DNMT3A: variants seen among roughly 807,000 people sequenced by gnomAD.
The protein encoded by DNMT3A is DNA (cytosine-5)-methyltransferase 3A.
In DNMT3A, 267 loss-of-function variants were observed where a neutral mutation model predicts 117.6. That is an observed-to-expected ratio of 2.27 (90% CI 2.05 to 2.51). The LOEUF is 2.51. Ranked by LOEUF, DNMT3A falls within the 30% of genes most tolerant of loss-of-function variation. DNMT3A has a pLI of 0.00. For synonymous variants in DNMT3A, 432 were observed against 474.8 expected (o/e 0.91, Z 1.17); for missense variants, 1,029 against 1,260.2 (o/e 0.82, Z 2.78).
At chr2:25,264,157 T>TTTTTTTTTTTTTTTTA (rs2029993964) in intron 6 of DNMT3A, among the ~76,000 whole-genome samples, 1 of 145,014 alleles carries the variant, frequency 6.9e-6, no homozygotes, top group African/African-American at 2.6e-5. Context: ...TTTTTTTTTT[T>TTTTTTTTTTTTTTTTA]GAGACAAGGT....
chr2:25,236,183 A>G lies in DNMT3A; in HGVS notation c.2479-358T>C, dbSNP rs1673346489. Among the ~76,000 whole-genome samples, 1 of 151,958 alleles carries G rather than the reference A, an allele frequency of 6.6e-6. No individual in the cohort carries two copies. The highest frequency in any genetic ancestry group is 1.5e-5 in the Non-Finnish European group (1 of 68,020). ...CGGGTTCAAGCGATTCTAATGCCTC[A>G]GACTCCTGAGTAGCTGGGACTACAG... On this transcript the variant is annotated intron_variant, in intron 21 of 22. Transcript: ENST00000321117. The surrounding 1 kb of genome is among the most constrained non-coding windows in gnomAD (Gnocchi z 4.5).
intron 10 of DNMT3A, 152 bp downstream of exon 10, chr2:25,246,468 A>G (rs1396166099): frequency 7.0e-7 from 1 of 1,422,300 alleles, no homozygotes; most frequent in Admixed American, 2.5e-5. Context: ...AGGTCATTCA[A>G]GTCCTGACCC....
At position 25,252,162 on chromosome 2, in the gene DNMT3A, C is replaced by T. The variant is rs764191078; in HGVS notation, c.640-3910G>A. On this transcript the variant is annotated intron_variant, in intron 6 of 22. Transcript: ENST00000321117. This position sits in a 1 kb window ranked among gnomAD's most constrained non-coding sequence, Gnocchi z 5.5. ...ACCGGCCCTGCCGCCTCCCCGCCCCCGGTCTCCCCGGGGCTCCGTCCAGGA... is the reference window on the plus strand; with the variant it reads ...ACCGGCCCTGCCGCCTCCCCGCCCCTGGTCTCCCCGGGGCTCCGTCCAGGA... 1.9e-6 allele frequency: 3 copies of T among 1,555,932 alleles called. No individual in the cohort carries two copies. Among genetic ancestry groups the T allele is most frequent in the South Asian group, 1.2e-5 (1 of 83,946 alleles).
chr2:25,334,781 A>T (rs1450592494), intron 1 of DNMT3A, among the ~76,000 whole-genome samples: 1 of 152,186 alleles, frequency 6.6e-6, no homozygotes. Context: ...TTTCCGGAAA[A>T]GACACGTACC....
chr2:25,234,542 CACTCACACCCACCA>C lies in DNMT3A; in HGVS notation c.2598-136_2598-123del. 8.9e-7 allele frequency: 1 copy of C among 1,120,182 alleles called. No individual in the cohort carries two copies. The highest frequency in any genetic ancestry group is 1.2e-6 in the Non-Finnish European group (1 of 808,430). 69.4% of individuals were successfully genotyped at this position (1,120,182 alleles called of 1,614,324 possible). On this transcript the variant is annotated intron_variant, in intron 22 of 22. Transcript: ENST00000321117. The surrounding 1 kb of genome is among the most constrained non-coding windows in gnomAD (Gnocchi z 4.5). Reference sequence around the variant, plus strand: ...GCCACCCGAAGTGCAGGGACAGGGGCACTCACACCCACCAACTCCTCTGACGCCTGCTTAGTTCT... The same window carrying C: ...GCCACCCGAAGTGCAGGGACAGGGGCACTCCTCTGACGCCTGCTTAGTTCT...
rs1056009574 is a variant in DNMT3A, at chr2:25,254,839, T to A, written c.640-6587A>T. Among the ~76,000 whole-genome samples, 4 of 152,218 alleles carry A rather than the reference T, an allele frequency of 2.6e-5. No homozygotes were observed. Among genetic ancestry groups the A allele is most frequent in the African/African-American group, 9.7e-5 (4 of 41,448 alleles). ...ACACCTTAGACTCCACATTCTGTGG[T>A]CTTGGGACATAAGACTGCAATGATG... is the stretch of plus-strand genomic sequence containing the variant. On this transcript the variant is annotated intron_variant, in intron 6 of 22. Transcript: ENST00000321117. The surrounding 1 kb of genome is among the most constrained non-coding windows in gnomAD (Gnocchi z 4.7).
intron 1 of DNMT3A, among the ~76,000 whole-genome samples, chr2:25,336,368 G>A (rs1010253594): frequency 1.3e-5 from 2 of 152,134 alleles, no homozygotes; most frequent in African/African-American, 2.4e-5. Context: ...AGTGGGCAAG[G>A]GGGGACATGG....
Position 25,281,766 on chromosome 2 carries a change from G to A in DNMT3A, c.448+675C>T. 9.4e-7 allele frequency: 1 copy of A among 1,065,966 alleles called. No homozygotes were observed. The highest frequency in any genetic ancestry group is 1.6e-5 in the African/African-American group (1 of 61,224). 66.0% of individuals were successfully genotyped at this position (1,065,966 alleles called of 1,614,324 possible). On this transcript the variant is annotated intron_variant, in intron 4 of 22. Coordinates refer to ENST00000321117, the MANE Select transcript of DNMT3A (RefSeq NM_022552.5). This position sits in a 1 kb window ranked among gnomAD's most constrained non-coding sequence, Gnocchi z 4.8. ...CTGGCTTAACCTGAAAGAGAAAAGT[G>A]GGCAACTTTCCAGGCTTCCAGGGTT...
chr2:25,324,691 T>C (rs2034722325), intron 1 of DNMT3A, among the ~76,000 whole-genome samples: 1 of 152,152 alleles, frequency 6.6e-6, no homozygotes, highest in Non-Finnish European at 1.5e-5. Flanking sequence ...CGGAGATGTC[T>C]ATCTGTCAAC....
Position 25,252,120 on chromosome 2 carries a change from G to A in DNMT3A, c.640-3868C>T. 2.0e-6 allele frequency: 3 copies of A among 1,525,494 alleles called. No homozygotes were observed. The highest frequency in any genetic ancestry group is 2.7e-6 in the Non-Finnish European group (3 of 1,131,250). The allele number at this position is 1,525,494 out of a possible 1,614,324, so 94.5% of individuals were successfully genotyped here. A position where few individuals can be genotyped will look rare whatever the true frequency, so the allele number is the denominator to read the frequency against. ...ACTTCACTCTTTTCAAACCCGGAGG[G>A]CTGCGGAGATCCTCCCACCGGCCCT... On this transcript the variant is annotated intron_variant, in intron 6 of 22. Coordinates refer to ENST00000321117, the MANE Select transcript of DNMT3A (RefSeq NM_022552.5). This position sits in a 1 kb window ranked among gnomAD's most constrained non-coding sequence, Gnocchi z 5.5.
intron 1 of DNMT3A, among the ~76,000 whole-genome samples, chr2:25,332,976 G>A (rs1178266043): frequency 6.6e-6 from 1 of 152,274 alleles, no homozygotes; most frequent in African/African-American, 2.4e-5. Context: ...AGACCAGTGG[G>A]CAGGGAGGGA....
chr2:25,321,074 G>A (rs1426126988), intron 1 of DNMT3A, among the ~76,000 whole-genome samples: 9 of 151,898 alleles, frequency 5.9e-5, no homozygotes, highest in African/African-American at 1.7e-4. Flanking sequence ...CGGAGGTTGC[G>A]GTGAGCGGAG....
At chr2:25,262,866 C>T (rs11887120) in intron 6 of DNMT3A, among the ~76,000 whole-genome samples, 68,606 of 152,038 alleles carry the variant, frequency 0.45, 15,706 homozygotes, top group Admixed American at 0.53. Flanking sequence ...TCTCTTACTA[C>T]TCCCTAAACA....
At chr2:25,325,344 G>A (rs945270854) in intron 1 of DNMT3A, among the ~76,000 whole-genome samples, 1 of 152,212 alleles carries the variant, frequency 6.6e-6, no homozygotes, top group Non-Finnish European at 1.5e-5. Flanking sequence ...GGGTGGCACA[G>A]AGTCCATGTG....
chr2:25,288,298 G>T (rs1489112992), intron 3 of DNMT3A, among the ~76,000 whole-genome samples: 1 of 151,932 alleles, frequency 6.6e-6, no homozygotes, highest in Non-Finnish European at 1.5e-5. Flanking sequence ...GCCAGGCGTG[G>T]TAGCAGGCGC....
intron 1 of DNMT3A, among the ~76,000 whole-genome samples, chr2:25,322,851 A>AACACGATCCCAATATT (rs1286049471): frequency 6.6e-6 from 1 of 151,928 alleles, no homozygotes; most frequent in Non-Finnish European, 1.5e-5. Context: ...CACTCCACCA[A>AACACGATCCCAATATT]ACACGATCCC....
intron 14 of DNMT3A, 65 bp from the exon 15 acceptor site, chr2:25,244,403 A>C: frequency 6.4e-7 from 1 of 1,566,450 alleles, no homozygotes; most frequent in Admixed American, 1.9e-5. Context: ...AAGGTGTGCT[A>C]CCTGGAATGG....
rs376830288 is a variant in DNMT3A at position 25,235,724 on chromosome 2, C to T, written c.2580G>A (p.Trp860Ter). Residue 860 changes from tryptophan to a stop codon, truncating the protein, a stop_gained, in exon 22 of 23, where the codon TGG becomes TGA. Transcript: ENST00000321117. LOFTEE classifies it high-confidence loss of function. ...CCGGGTACCTTTCCATTTCAGTGCA[C>T]CATAAGATGTCCTCTTTCTCATTCA... ...VFMNEKEDIL[W>*]CTEMERVFGF... 4.3e-6 allele frequency: 7 copies of T among 1,613,894 alleles called. No homozygotes were observed. Among genetic ancestry groups the T allele is most frequent in the African/African-American group, 4.0e-5 (3 of 74,924 alleles).
At chr2:25,313,006 G>A (rs1386661312) in intron 2 of DNMT3A, among the ~76,000 whole-genome samples, 1 of 152,238 alleles carries the variant, frequency 6.6e-6, no homozygotes, top group Non-Finnish European at 1.5e-5. Context: ...CAGAGGCACA[G>A]CAGACAGACA....
Sources: allele counts gnomAD v4.1 joint callset (sites outside exome capture counted in the v4.1 genomes callset), GRCh38; gene constraint gnomAD v4.1.1; non-coding constraint Gnocchi (gnomAD v3.1); transcripts MANE v1.5; gene names NCBI Gene and HGNC (gene_info 2026-07-23, HGNC 2026-07-21).